MCPH1: variants seen among roughly 807,000 people sequenced by gnomAD.
MCPH1 encodes the protein microcephalin 1.
A neutral mutation model predicts 84.5 loss-of-function variants in MCPH1; 104 were observed. That is an observed-to-expected ratio of 1.23 (90% CI 1.05 to 1.45). MCPH1 has a LOEUF of 1.45. Among genes scored for constraint, MCPH1 ranks in the 40% most tolerant of loss-of-function variants. The pLI is 0.00. For missense variants in MCPH1, 1,498 were observed against 1,005.7 expected (o/e 1.49, Z -6.62); for synonymous variants, 514 against 366.8 (o/e 1.40, Z -4.58).
At chr8:6,418,232 C>T (rs7003911) in intron 3 of MCPH1, among the ~76,000 whole-genome samples, 10,125 of 152,052 alleles carry the variant, frequency 0.067, 840 homozygotes, top group African/African-American at 0.19. Context: ...TGCTTGAGTG[C>T]TTGCTGCGCC....
At chr8:6,538,545 C>T (rs1363945570) in intron 12 of MCPH1, among the ~76,000 whole-genome samples, 4 of 152,188 alleles carry the variant, frequency 2.6e-5, no homozygotes, top group South Asian at 2.1e-4. Context: ...GACCTGGGCG[C>T]GCACTGTCCT....
At chr8:6,611,175 G>A (rs915422883) in intron 12 of MCPH1, among the ~76,000 whole-genome samples, 1 of 151,754 alleles carries the variant, frequency 6.6e-6, no homozygotes, top group African/African-American at 2.4e-5. Context: ...GACACCAAAT[G>A]TATGGGTTTT....
intron 9 of MCPH1, among the ~76,000 whole-genome samples, chr8:6,460,980 C>T (rs2916745): frequency 0.25 from 37,851 of 152,042 alleles, 6,679 homozygotes; most frequent in African/African-American, 0.5. Flanking sequence ...TGAATTTTAA[C>T]GGCCACTTAA....
chr8:6,555,465 C>CT (rs530250678), intron 12 of MCPH1, among the ~76,000 whole-genome samples: 2,040 of 142,508 alleles, frequency 0.014, 30 homozygotes, highest in Middle Eastern at 0.03. Context: ...GTGGTTTGCC[C>CT]TTTTTTTTTT....
chr8:6,453,849 T>G (rs2129556677), intron 8 of MCPH1, among the ~76,000 whole-genome samples: 1 of 152,276 alleles, frequency 6.6e-6, no homozygotes, highest in Non-Finnish European at 1.5e-5. Context: ...ATGTGACTGG[T>G]TTGAGTCTCG....
At chr8:6,580,772 C>T (rs1827506806) in intron 12 of MCPH1, among the ~76,000 whole-genome samples, 1 of 152,172 alleles carries the variant, frequency 6.6e-6, no homozygotes, top group Non-Finnish European at 1.5e-5. Flanking sequence ...CCCTGAGGGC[C>T]ATGATGGTAG....
At chr8:6,612,022 A>G (rs2129579416) in intron 12 of MCPH1, among the ~76,000 whole-genome samples, 1 of 152,006 alleles carries the variant, frequency 6.6e-6, no homozygotes, top group African/African-American at 2.4e-5. Context: ...GAAAGTTTCA[A>G]CCCTCCAAAG....
chr8:6,529,762 G>C (rs1254448898), intron 12 of MCPH1, among the ~76,000 whole-genome samples: 1 of 151,548 alleles, frequency 6.6e-6, no homozygotes, highest in African/African-American at 2.4e-5. Context: ...AGCGTGCTCA[G>C]CTGGCTCAGC....
At chr8:6,489,219 A>G (rs1441203641) in intron 11 of MCPH1, among the ~76,000 whole-genome samples, 1 of 152,124 alleles carries the variant, frequency 6.6e-6, no homozygotes, top group Non-Finnish European at 1.5e-5. Context: ...CACTCCAGCC[A>G]TGGTACCTGG....
rs1798051686 is a variant in MCPH1, at chr8:6,643,281, T to G, written c.*232T>G. 4 of 541,220 alleles carry G rather than the reference T, an allele frequency of 7.4e-6. No homozygotes were observed. The highest frequency in any genetic ancestry group is 6.5e-5 in the South Asian group (3 of 46,238). 33.5% of individuals were successfully genotyped at this position (541,220 alleles called of 1,614,324 possible). On this transcript the variant is annotated 3_prime_UTR_variant, in exon 14 of 14. Transcript: ENST00000344683. ...TTATTTTTATTTTATTTTTTATTTT[T>G]TGAGACGGAGTCCTGCCCTGTTTCC...
intron 12 of MCPH1, 44 bp from the exon 13 acceptor site, chr8:6,621,410 G>A (rs980451518): frequency 1.2e-6 from 2 of 1,610,408 alleles, no homozygotes; most frequent in South Asian, 1.1e-5. Flanking sequence ...TATGGAGACT[G>A]GAGTGGTCCC....
At chr8:6,590,625 G>A (rs540063000) in intron 12 of MCPH1, among the ~76,000 whole-genome samples, 1 of 152,338 alleles carries the variant, frequency 6.6e-6, no homozygotes, top group African/African-American at 2.4e-5. Flanking sequence ...ATGAGACATT[G>A]TCACAAGCAA....
intron 12 of MCPH1, chr8:6,500,193 A>T (rs1468644321): frequency 2.2e-6 from 1 of 457,324 alleles, no homozygotes; most frequent in Admixed American, 3.5e-5. Context: ...GAAAAACAAA[A>T]ATGAAAAAAG....
At chr8:6,502,055 T>A (rs1812301449) in intron 12 of MCPH1, 1 of 152,060 alleles carries the variant, frequency 6.6e-6, no homozygotes, top group Non-Finnish European at 1.5e-5. Context: ...AATAGAAGGC[T>A]TTTCTCAACC....
At position 6,625,376 on chromosome 8, in the gene MCPH1, A is replaced by T. The variant is rs1463493648; in HGVS notation, c.2452+3685A>T. 4 of 985,330 alleles carry T rather than the reference A, an allele frequency of 4.1e-6. No homozygotes were observed. In the Admixed American group the frequency reaches 1.8e-4, roughly 45 times the overall value. 61.0% of individuals were successfully genotyped at this position (985,330 alleles called of 1,614,324 possible). A position where few individuals can be genotyped will look rare whatever the true frequency, so the allele number is the denominator to read the frequency against. ...ATCATCCCTGCCCCTTCGACAAAGC[A>T]CATTGTGTCTTTTGGAGACTTTTTT... On this transcript the variant is annotated intron_variant, in intron 13 of 13. Transcript: ENST00000344683.
intron 11 of MCPH1, among the ~76,000 whole-genome samples, chr8:6,496,483 T>G (rs1157091923): frequency 6.6e-6 from 1 of 152,156 alleles, no homozygotes; most frequent in African/African-American, 2.4e-5. Flanking sequence ...GTCTTTTGTA[T>G]GCAAAGAATA....
chr8:6,430,592 A>G (rs2442524), intron 3 of MCPH1, among the ~76,000 whole-genome samples: 108,858 of 152,168 alleles, frequency 0.72, 41,180 homozygotes, highest in Non-Finnish European at 0.82. Flanking sequence ...TTCTATATCA[A>G]TATGGATATG....
At chr8:6,575,378 A>C (rs1460159930) in intron 12 of MCPH1, among the ~76,000 whole-genome samples, 1 of 152,210 alleles carries the variant, frequency 6.6e-6, no homozygotes, top group African/African-American at 2.4e-5. Context: ...CCACGGTTTC[A>C]CAGGTGCAGG....
At chr8:6,505,470 TAC>T (rs1813349062) in intron 12 of MCPH1, among the ~76,000 whole-genome samples, 2 of 73,914 alleles carry the variant, frequency 2.7e-5, no homozygotes, top group African/African-American at 1.1e-4. Flanking sequence ...ATATATTCTT[TAC>T]ATATATAGAA....
Sources: allele counts gnomAD v4.1 joint callset (sites outside exome capture counted in the v4.1 genomes callset), GRCh38; gene constraint gnomAD v4.1.1; transcripts MANE v1.5; gene names NCBI Gene and HGNC (gene_info 2026-07-23, HGNC 2026-07-21).